The following PPARGC1A variants were observed in gnomAD, a reference collection of about 807,000 sequenced individuals.
The protein encoded by PPARGC1A is peroxisome proliferator-activated receptor gamma coactivator 1-alpha.
In PPARGC1A, 25 loss-of-function variants were observed where a neutral mutation model predicts 88.7. The ratio of observed to expected loss-of-function variants is 0.28; its 90% CI spans 0.21 to 0.39. The LOEUF (loss-of-function observed/expected upper bound fraction) is 0.39. PPARGC1A is among the 10% of genes least tolerant of loss of function. The probability of loss-of-function intolerance (pLI) is 1.00; values close to 1 mark genes in which losing one functional copy is unlikely to be tolerated. For synonymous variants in PPARGC1A, 363 were observed against 355.6 expected, an observed-to-expected ratio of 1.02 and a Z score of -0.24; for missense variants, 880 against 968.7, an observed-to-expected ratio of 0.91 and a Z score of 1.22.
chr4:24,372,607 C>T, the PPARGC1A span, among the ~76,000 whole-genome samples: 6 of 152,136 alleles, frequency 3.9e-5, no homozygotes, highest in Non-Finnish European at 7.4e-5. Context: ...ATCCAGAGAA[C>T]GGCCCACACC....
the PPARGC1A span, among the ~76,000 whole-genome samples, chr4:24,050,199 G>GTTT: frequency 2.4e-3 from 320 of 134,674 alleles, 8 homozygotes; most frequent in African/African-American, 8.5e-3. Context: ...GTGACCTTTT[G>GTTT]TTTTTTTTTT....
chr4:24,171,020 T>A, the PPARGC1A span, among the ~76,000 whole-genome samples: 1 of 152,134 alleles, frequency 6.6e-6, no homozygotes, highest in African/African-American at 2.4e-5. Context: ...CTGCCTGGAA[T>A]GCTCTTCCCC....
chr4:23,814,001 G>T lies in PPARGC1A; in HGVS notation c.1482C>A (p.Phe494Leu). The T allele has an allele frequency of 6.2e-7, 1 of 1,614,102 alleles. No individual in the cohort carries two copies. The highest frequency in any genetic ancestry group is 8.5e-7 in the Non-Finnish European group (1 of 1,179,972). ...LRDSDFSNEQ[F>L]SKLPMFINSG... ...AATTTATAAACATAGGTAGTTTGGA[G>T]AATTGTTCATTACTGAAATCACTGT... The change falls in exon 8 of 13, where the codon TTC becomes TTA. Residue 494 changes from phenylalanine (F) to leucine (L), a missense_variant. Physicochemically the swap from Phe to Leu is conservative, Grantham distance 22. Coordinates refer to ENST00000264867, the MANE Select transcript of PPARGC1A (RefSeq NM_013261.5).
At chr4:24,091,402 C>T in the PPARGC1A span, 1 of 968,206 alleles carries the variant, frequency 1.0e-6, no homozygotes, top group African/African-American at 1.8e-5. Flanking sequence ...CGCATATTAC[C>T]TAGACTTGGA....
At chr4:24,014,565 T>C in the PPARGC1A span, among the ~76,000 whole-genome samples, 5 of 152,160 alleles carry the variant, frequency 3.3e-5, no homozygotes, top group Admixed American at 1.3e-4. Context: ...TGTGTTCTCA[T>C]CTGGAGCTCA....
chr4:23,972,386 G>A, the PPARGC1A span, among the ~76,000 whole-genome samples: 1 of 152,178 alleles, frequency 6.6e-6, no homozygotes, highest in African/African-American at 2.4e-5. Context: ...GATAGAGATG[G>A]CCAAAGTATG....
At chr4:24,203,251 T>C in the PPARGC1A span, among the ~76,000 whole-genome samples, 4 of 152,136 alleles carry the variant, frequency 2.6e-5, no homozygotes, top group Non-Finnish European at 5.9e-5. Flanking sequence ...TCATTAAGAA[T>C]GACCAGGCCG....
chr4:23,951,785 C>T, the PPARGC1A span, among the ~76,000 whole-genome samples: 5 of 152,146 alleles, frequency 3.3e-5, no homozygotes, highest in Non-Finnish European at 4.4e-5. Flanking sequence ...AAAATAAGTT[C>T]TCTTCCCTCT....
At chr4:23,973,829 A>C in the PPARGC1A span, among the ~76,000 whole-genome samples, 2 of 152,142 alleles carry the variant, frequency 1.3e-5, no homozygotes, top group Admixed American at 1.3e-4. Context: ...AACAAAACAA[A>C]TGTGTTGGTG....
Position 23,826,845 on chromosome 4 carries a change from T to G in PPARGC1A, c.757+1555A>C, listed in dbSNP as rs1010819925. ...CTATTTAATTCTTCATTGTCATGAT[T>G]TGTAAAAGTTTACTAAAAGAAAAAA... On this transcript the variant is annotated intron_variant, in intron 5 of 12. Coordinates refer to ENST00000264867, the MANE Select transcript of PPARGC1A (RefSeq NM_013261.5). Among the ~76,000 whole-genome samples the G allele has an allele frequency of 2.7e-4, 41 of 152,150 alleles. 4 individuals are homozygous for G. The highest frequency in any genetic ancestry group is 2.2e-3 in the Admixed American group (33 of 15,268).
the PPARGC1A span, among the ~76,000 whole-genome samples, chr4:24,329,090 G>A: frequency 4.6e-5 from 7 of 152,094 alleles, no homozygotes; most frequent in East Asian, 5.8e-4. Flanking sequence ...ATGCTATTAC[G>A]GGCTGACAAA....
intron 3 of PPARGC1A, among the ~76,000 whole-genome samples, chr4:23,830,378 T>C (rs1430803698): frequency 5.3e-5 from 8 of 152,216 alleles, no homozygotes; most frequent in Admixed American, 1.3e-4. Context: ...TTCCCTGTTC[T>C]GACATACAGT....
chr4:24,339,225 TATATATATATATAC>T, the PPARGC1A span, among the ~76,000 whole-genome samples: 3 of 80,402 alleles, frequency 3.7e-5, no homozygotes, highest in Non-Finnish European at 5.6e-5. Context: ...TATATATATA[TATATATATATATAC>T]ACACACACAC....
chr4:24,259,201 A>G, the PPARGC1A span, among the ~76,000 whole-genome samples: 2 of 152,150 alleles, frequency 1.3e-5, no homozygotes, highest in Admixed American at 6.5e-5. Flanking sequence ...GTCTCCTTAA[A>G]ATGACTGGCC....
chr4:24,121,057 A>T, the PPARGC1A span, among the ~76,000 whole-genome samples: 3 of 152,272 alleles, frequency 2.0e-5, no homozygotes, highest in South Asian at 6.2e-4. Context: ...CTTAACCCTC[A>T]GTTTCCTCAT....
the PPARGC1A span, among the ~76,000 whole-genome samples, chr4:24,018,841 T>C: frequency 1.6e-4 from 25 of 152,276 alleles, no homozygotes; most frequent in Middle Eastern, 3.4e-3. Context: ...TAAAGTTTTC[T>C]TTTTTGCAAT....
intron 2 of PPARGC1A, among the ~76,000 whole-genome samples, chr4:23,878,230 C>T (rs1169605793): frequency 6.6e-6 from 1 of 151,920 alleles, no homozygotes; most frequent in African/African-American, 2.4e-5. Flanking sequence ...GACATGAAAT[C>T]ATTGGTTTCT....
chr4:24,240,394 G>A, the PPARGC1A span, among the ~76,000 whole-genome samples: 2 of 152,084 alleles, frequency 1.3e-5, no homozygotes, highest in African/African-American at 4.8e-5. Context: ...TAAATATCTT[G>A]GCAGTCTGAA....
chr4:24,286,069 C>A, the PPARGC1A span, among the ~76,000 whole-genome samples: 7 of 152,040 alleles, frequency 4.6e-5, no homozygotes, highest in Non-Finnish European at 2.9e-5. Flanking sequence ...ATCCCTGAAC[C>A]CATACAGGCT....
Sources: gnomAD v4.1 joint callset for allele counts (sites outside exome capture counted in the v4.1 genomes callset) on GRCh38, gnomAD v4.1.1 for gene constraint, MANE v1.5 for transcripts, NCBI Gene and HGNC (gene_info 2026-07-23, HGNC 2026-07-21) for gene names.